Variants in HPSE2 observed in about 807,000 individuals in gnomAD.
HPSE2 encodes inactive heparanase-2.
A neutral mutation model predicts 60.5 loss-of-function variants in HPSE2; 38 were observed. The observed-to-expected ratio is 0.63, with a 90% CI of 0.48 to 0.82. HPSE2 has a LOEUF of 0.82. Among genes scored for constraint, HPSE2 ranks in the 40% least tolerant of loss-of-function variants. The pLI is 0.00. For missense variants in HPSE2, 713 were observed against 740.4 expected (o/e 0.96, Z 0.43); for synonymous variants, 295 against 293.2 (o/e 1.01, Z -0.06).
At chr10:98,533,398 T>C (rs757734021) in intron 9 of HPSE2, among the ~76,000 whole-genome samples, 4 of 152,134 alleles carry the variant, frequency 2.6e-5, no homozygotes, top group Non-Finnish European at 5.9e-5. Context: ...TTTTGAGTCA[T>C]TGGAACACAG....
At chr10:98,680,435 A>T (rs1427141613) in intron 6 of HPSE2, among the ~76,000 whole-genome samples, 1 of 152,176 alleles carries the variant, frequency 6.6e-6, no homozygotes, top group Non-Finnish European at 1.5e-5. Flanking sequence ...CATGGTTTGT[A>T]TTGGAAAAAC....
chr10:98,571,917 T>C (rs185563488), intron 9 of HPSE2, among the ~76,000 whole-genome samples: 21 of 150,794 alleles, frequency 1.4e-4, no homozygotes, highest in Admixed American at 1.2e-3. Flanking sequence ...GGAGTTCTAA[T>C]TCAGAGCAAG....
rs1288309952 is a variant in HPSE2, at chr10:99,235,734, G to T, written c.69C>A (p.Ala23=). Residue 23 remains alanine (A), a synonymous_variant, in exon 1 of 12, where the codon GCC becomes GCA. Transcript: ENST00000370552. ...ACAGAGCCAAGTAGAGAGCCCCCGG[G>T]GCTAGGCACGCGGGGGGGCGGGAGT... ...SSNSRPPACL[A]PGALYLALLL... The T allele has an allele frequency of 2.5e-6, 4 of 1,613,912 alleles. No homozygotes were observed. Among genetic ancestry groups the T allele is most frequent in the Non-Finnish European group, 3.4e-6 (4 of 1,180,004 alleles).
chr10:98,680,309 TC>T (rs1379197658), intron 6 of HPSE2, among the ~76,000 whole-genome samples: 1 of 152,228 alleles, frequency 6.6e-6, no homozygotes, highest in Non-Finnish European at 1.5e-5. Context: ...AGTTTTTTTT[TC>T]TTGTATCTAT....
At chr10:98,820,962 T>C (rs1417994047) in intron 3 of HPSE2, among the ~76,000 whole-genome samples, 1 of 152,178 alleles carries the variant, frequency 6.6e-6, no homozygotes, top group Admixed American at 6.5e-5. Context: ...TCACATTCTT[T>C]CTCACTGCAA....
chr10:98,896,625 G>T (rs556957301), intron 3 of HPSE2, among the ~76,000 whole-genome samples: 96 of 152,094 alleles, frequency 6.3e-4, no homozygotes, highest in African/African-American at 2.3e-3. Flanking sequence ...GTAAGCAGAA[G>T]AAAAAGAATT....
At chr10:98,494,724 T>C (rs1941773401) in intron 9 of HPSE2, among the ~76,000 whole-genome samples, 2 of 152,192 alleles carry the variant, frequency 1.3e-5, no homozygotes, top group African/African-American at 4.8e-5. Context: ...ACATTGTGTG[T>C]CCCCAAAACA....
chr10:98,736,429 T>G (rs1367585506), intron 4 of HPSE2, among the ~76,000 whole-genome samples: 2 of 152,130 alleles, frequency 1.3e-5, no homozygotes, highest in Non-Finnish European at 2.9e-5. Context: ...TATCTAACTG[T>G]GACAGTAACC....
intron 3 of HPSE2, among the ~76,000 whole-genome samples, chr10:98,957,683 T>C (rs879567702): frequency 1.3e-5 from 2 of 152,150 alleles, no homozygotes; most frequent in African/African-American, 2.4e-5. Flanking sequence ...AGTCTCACTC[T>C]CTCTCTCCCG....
chr10:98,459,884 C>T, intron 11 of HPSE2, 145 bp from the exon 12 acceptor site: 1 of 796,096 alleles, frequency 1.3e-6, no homozygotes, highest in East Asian at 2.7e-5. Flanking sequence ...TAGATTCTGA[C>T]CTAGGTGCTT....
At chr10:99,232,276 C>A in intron 2 of HPSE2, 72 bp downstream of exon 2, 3 of 1,492,508 alleles carry the variant, frequency 2.0e-6, no homozygotes, top group Non-Finnish European at 2.7e-6. Context: ...GACACACGAA[C>A]ACACAGATAC....
At chr10:99,306,374 G>T in the HPSE2 span, among the ~76,000 whole-genome samples, 1 of 152,014 alleles carries the variant, frequency 6.6e-6, no homozygotes, top group East Asian at 1.9e-4. Context: ...AACCACGTAA[G>T]CCCTGGCCAA....
At chr10:98,519,448 G>T (rs1468114769) in intron 9 of HPSE2, among the ~76,000 whole-genome samples, 1 of 152,206 alleles carries the variant, frequency 6.6e-6, no homozygotes, top group Non-Finnish European at 1.5e-5. Context: ...CTCCCCAAAT[G>T]CTCTTGCCCT....
chr10:98,657,995 A>T (rs1947120816), intron 6 of HPSE2, among the ~76,000 whole-genome samples: 1 of 152,204 alleles, frequency 6.6e-6, no homozygotes, highest in Non-Finnish European at 1.5e-5. Context: ...GAATGAGAAC[A>T]GACGAAGTTT....
chr10:98,593,342 C>T (rs1945142100), intron 9 of HPSE2, among the ~76,000 whole-genome samples: 1 of 152,004 alleles, frequency 6.6e-6, no homozygotes, highest in Non-Finnish European at 1.5e-5. Flanking sequence ...GGGACTGGCT[C>T]ATTGGAATAA....
chr10:99,298,731 G>A, the HPSE2 span, among the ~76,000 whole-genome samples: 1 of 150,732 alleles, frequency 6.6e-6, no homozygotes, highest in African/African-American at 2.4e-5. Flanking sequence ...CTGGAGTGCA[G>A]TGGCATGATC....
chr10:98,907,682 G>C (rs539977180), intron 3 of HPSE2, among the ~76,000 whole-genome samples: 2 of 152,220 alleles, frequency 1.3e-5, no homozygotes, highest in South Asian at 4.1e-4. Flanking sequence ...TCCTGATCTT[G>C]CTACTTAACT....
chr10:98,535,844 A>G (rs1363785915), intron 9 of HPSE2, among the ~76,000 whole-genome samples: 1 of 152,152 alleles, frequency 6.6e-6, no homozygotes, highest in Non-Finnish European at 1.5e-5. Context: ...CGTGCCTGCC[A>G]AACTTCAGCA....
At chr10:98,620,786 T>C (rs1946052746) in intron 7 of HPSE2, 78 bp from the exon 8 acceptor site, 2 of 943,876 alleles carry the variant, frequency 2.1e-6, no homozygotes, top group South Asian at 2.8e-5. Flanking sequence ...ACACATTCCC[T>C]TAAGGAAGTT....
Sources: gnomAD v4.1 joint callset for allele counts (sites outside exome capture counted in the v4.1 genomes callset) on GRCh38, gnomAD v4.1.1 for gene constraint, MANE v1.5 for transcripts, NCBI Gene and HGNC (gene_info 2026-07-23, HGNC 2026-07-21) for gene names.